The following ZNF438 variants were observed in gnomAD, a reference collection of about 807,000 sequenced individuals.
ZNF438 encodes the protein zinc finger protein 438.
ZNF438 carries 25 observed loss-of-function variants against 38.0 expected under a neutral mutation model. The observed-to-expected ratio is 0.66, with a 90% CI of 0.48 to 0.92. The LOEUF is 0.92. Ranked by LOEUF, ZNF438 falls within the 40% of genes least tolerant of loss-of-function variation. The probability of loss-of-function intolerance (pLI) is 0.00; values close to 1 mark genes in which losing one functional copy is unlikely to be tolerated. For synonymous variants in ZNF438, 372 were observed against 364.1 expected (o/e 1.02, Z -0.25); for missense variants, 1,007 against 999.6 (o/e 1.01, Z -0.10).
intron 5 of ZNF438, among the ~76,000 whole-genome samples, chr10:30,846,432 C>T (rs4749622): frequency 0.38 from 58,201 of 152,014 alleles, 11,430 homozygotes; most frequent in Admixed American, 0.41. Context: ...AAACCTGCCG[C>T]CATGAGAGCC....
chr10:30,997,158 T>G (rs2054136880), intron 1 of ZNF438, among the ~76,000 whole-genome samples: 1 of 151,652 alleles, frequency 6.6e-6, no homozygotes, highest in South Asian at 2.1e-4. Flanking sequence ...AAAAGCAAAC[T>G]AAACCTAAGC....
chr10:31,006,573 A>G (rs1301342048), intron 1 of ZNF438, among the ~76,000 whole-genome samples: 1 of 152,076 alleles, frequency 6.6e-6, no homozygotes, highest in Non-Finnish European at 1.5e-5. Flanking sequence ...CCTCTAGTAA[A>G]TTAAATGAAC....
At chr10:31,027,502 C>G (rs762478880) in intron 1 of ZNF438, among the ~76,000 whole-genome samples, 24 of 152,074 alleles carry the variant, frequency 1.6e-4, no homozygotes, top group Non-Finnish European at 3.5e-4. Flanking sequence ...ATCACTCCCC[C>G]TCTGCTGGGA....
chr10:30,981,093 G>C (rs1247274418), intron 1 of ZNF438, among the ~76,000 whole-genome samples: 3 of 152,202 alleles, frequency 2.0e-5, no homozygotes, highest in Non-Finnish European at 2.9e-5. Context: ...ACAGTTACCA[G>C]GAGGCACGTG....
chr10:30,853,528 C>T (rs964219171), intron 4 of ZNF438, among the ~76,000 whole-genome samples: 2 of 152,226 alleles, frequency 1.3e-5, no homozygotes, highest in African/African-American at 4.8e-5. Context: ...CTACTCCCGC[C>T]CACCCAAGAC....
chr10:30,874,496 T>C (rs1164699939), intron 4 of ZNF438, among the ~76,000 whole-genome samples: 1 of 146,168 alleles, frequency 6.8e-6, no homozygotes, highest in African/African-American at 2.8e-5. Context: ...ATACATCTGA[T>C]GCTTTTGTTA....
At chr10:30,856,790 T>C (rs2034703692) in intron 4 of ZNF438, among the ~76,000 whole-genome samples, 1 of 152,216 alleles carries the variant, frequency 6.6e-6, no homozygotes, top group Non-Finnish European at 1.5e-5. Context: ...TGTACAATTA[T>C]TCAACAGGAA....
intron 2 of ZNF438, among the ~76,000 whole-genome samples, chr10:30,937,847 C>T (rs1195735092): frequency 6.6e-6 from 1 of 152,196 alleles, no homozygotes; most frequent in Non-Finnish European, 1.5e-5. Context: ...CCAATTTGAT[C>T]ATGTCACCTG....
intron 1 of ZNF438, among the ~76,000 whole-genome samples, chr10:30,986,037 G>A (rs1384189973): frequency 1.3e-5 from 2 of 152,098 alleles, no homozygotes; most frequent in East Asian, 3.9e-4. Flanking sequence ...TACGAATTCA[G>A]TATAGTAACA....
intron 3 of ZNF438, among the ~76,000 whole-genome samples, chr10:30,888,362 A>ACACACACACACACACACAC (rs1564574714): frequency 0.017 from 617 of 36,528 alleles, 4 homozygotes; most frequent in African/African-American, 0.039. Context: ...CACACACACA[A>ACACACACACACACACACAC]ACACACACAT....
chr10:30,951,886 T>C (rs2048246663), intron 1 of ZNF438, among the ~76,000 whole-genome samples: 1 of 151,696 alleles, frequency 6.6e-6, no homozygotes, highest in Non-Finnish European at 1.5e-5. Flanking sequence ...CTTCACAGAA[T>C]TGGAAAAAAA....
intron 1 of ZNF438, among the ~76,000 whole-genome samples, chr10:30,942,451 A>G (rs760586235): frequency 1.4e-4 from 22 of 152,214 alleles, no homozygotes; most frequent in Non-Finnish European, 5.9e-5. Flanking sequence ...AAATCAGAGT[A>G]ACTGCAATAA....
At chr10:30,936,077 T>C (rs556385651) in intron 2 of ZNF438, among the ~76,000 whole-genome samples, 51 of 152,256 alleles carry the variant, frequency 3.3e-4, no homozygotes, top group South Asian at 1.7e-3. Context: ...ATAAAAGCCA[T>C]GAAGATTTCT....
At chr10:30,933,420 C>T (rs2045903200) in intron 2 of ZNF438, among the ~76,000 whole-genome samples, 1 of 152,200 alleles carries the variant, frequency 6.6e-6, no homozygotes, top group Non-Finnish European at 1.5e-5. Context: ...ATATCAGTTA[C>T]TAGTCAAAAT....
intron 4 of ZNF438, among the ~76,000 whole-genome samples, chr10:30,861,291 T>C (rs1303692559): frequency 2.0e-5 from 3 of 152,222 alleles, no homozygotes; most frequent in African/African-American, 7.2e-5. Flanking sequence ...TTTTACTGTA[T>C]TATTTAGGGA....
At chr10:30,988,140 T>C (rs1023585275) in intron 1 of ZNF438, among the ~76,000 whole-genome samples, 1 of 152,158 alleles carries the variant, frequency 6.6e-6, no homozygotes, top group African/African-American at 2.4e-5. Flanking sequence ...TTTTTTTTAA[T>C]AGTAGCTTTG....
intron 1 of ZNF438, among the ~76,000 whole-genome samples, chr10:30,985,188 C>T (rs142050489): frequency 1.3e-5 from 2 of 152,180 alleles, no homozygotes; most frequent in African/African-American, 4.8e-5. Flanking sequence ...AAAAAGTATA[C>T]CTAGGCAGGA....
intron 2 of ZNF438, among the ~76,000 whole-genome samples, chr10:30,936,351 G>T (rs1045494929): frequency 6.6e-6 from 1 of 152,130 alleles, no homozygotes; most frequent in Non-Finnish European, 1.5e-5. Context: ...AAGCATTTGG[G>T]TGATTAGCAG....
chr10:30,876,528 T>C (rs923057993), intron 4 of ZNF438, among the ~76,000 whole-genome samples: 2 of 152,224 alleles, frequency 1.3e-5, no homozygotes, highest in African/African-American at 4.8e-5. Context: ...TTTCTATTTC[T>C]TTTTAAATGG....
Sources: allele counts gnomAD v4.1 joint callset (sites outside exome capture counted in the v4.1 genomes callset), GRCh38; gene constraint gnomAD v4.1.1; transcripts MANE v1.5; gene names NCBI Gene and HGNC (gene_info 2026-07-23, HGNC 2026-07-21).